The following DMD variants were observed in gnomAD, a reference collection of about 807,000 sequenced individuals.
DMD encodes the protein mutant dystrophin.
A neutral mutation model predicts 330.1 loss-of-function variants in DMD; 63 were observed. The ratio of observed to expected loss-of-function variants is 0.19; its 90% CI spans 0.16 to 0.24. DMD has a LOEUF of 0.24. Among genes scored for constraint, DMD ranks in the 10% least tolerant of loss-of-function variants. The probability of loss-of-function intolerance (pLI) is 1.00; values close to 1 mark genes in which losing one functional copy is unlikely to be tolerated. For missense variants in DMD, 3,344 were observed against 2,684.1 expected, an observed-to-expected ratio of 1.25 and a Z score of -5.43; for synonymous variants, 1,223 against 959.8, an observed-to-expected ratio of 1.27 and a Z score of -5.07.
In DMD at chrX:32,456,355, T is replaced by G. The variant is rs1404307218; in HGVS notation, c.3433-1523A>C. ...TCTTGCAATTGTACTAGAAAAGGTA[T>G]AAATGTTATTTTGTGCAGTCAATGA... On this transcript the variant is annotated intron_variant, in intron 25 of 78. Transcript: ENST00000357033. Among the ~76,000 whole-genome samples, 4 of 111,292 alleles carry G rather than the reference T, an allele frequency of 3.6e-5. No homozygotes were observed. In the East Asian group the frequency reaches 1.1e-3, roughly 31 times the overall value.
At chrX:31,145,724 G>A (rs2036606201) in intron 76 of DMD, among the ~76,000 whole-genome samples, 1 of 103,728 alleles carries the variant, frequency 9.6e-6, no homozygotes, top group South Asian at 4.5e-4. Flanking sequence ...GTGCAATGGT[G>A]CCATCTTGGC....
intron 1 of DMD, among the ~76,000 whole-genome samples, chrX:33,057,881 TTTTG>T (rs781643436): frequency 1.8e-5 from 2 of 111,397 alleles, no homozygotes; most frequent in African/African-American, 3.3e-5. Flanking sequence ...TTTGTTTGTT[TTTTG>T]TTTTTGTTTT....
At chrX:31,373,771 A>G (rs941674108) in intron 60 of DMD, among the ~76,000 whole-genome samples, 1 of 110,850 alleles carries the variant, frequency 9.0e-6, no homozygotes, top group Non-Finnish European at 1.9e-5. Context: ...CAAGGACTTC[A>G]TGTCTACAAC....
intron 57 of DMD, among the ~76,000 whole-genome samples, chrX:31,480,554 TTGTGTGTGTGTG>T (rs60621342): frequency 1.3e-3 from 119 of 91,330 alleles, no homozygotes; most frequent in East Asian, 9.1e-3. Flanking sequence ...ATCTCCATGT[TTGTGTGTGTGTG>T]TGTGTGTGTG....
chrX:32,474,264 C>T (rs894555984), intron 21 of DMD, among the ~76,000 whole-genome samples: 3 of 110,949 alleles, frequency 2.7e-5, no homozygotes, highest in Non-Finnish European at 5.7e-5. Flanking sequence ...ACCACTCATT[C>T]AGTGATGGGC....
At chrX:31,827,977 T>C (rs1489284084) in intron 49 of DMD, among the ~76,000 whole-genome samples, 2 of 111,828 alleles carry the variant, frequency 1.8e-5, no homozygotes, top group Non-Finnish European at 3.8e-5. Flanking sequence ...AGAGCACAAA[T>C]TGACAACCTA....
chrX:31,473,863 A>G (rs12009327), intron 59 of DMD, among the ~76,000 whole-genome samples: 31,741 of 110,621 alleles, frequency 0.29, 5,108 homozygotes, highest in African/African-American at 0.6. Context: ...TCTATGTGGA[A>G]CACCTAGTAA....
Position 32,411,845 on chromosome X carries a change from G to C in DMD, c.4140C>G (p.His1380Gln). The change falls in exon 30 of 79, where the codon CAC becomes CAG. Residue 1380 changes from histidine (H) to glutamine (Q), a missense_variant. Coordinates refer to ENST00000357033, the MANE Select transcript of DMD (RefSeq NM_004006.3). Reference sequence around the variant, plus strand: ...TGAATGTGAGGGACTCCTGGATTAAGTGTAAGGATTTTTCAGTCTCCTGGG... The same window carrying C: ...TGAATGTGAGGGACTCCTGGATTAACTGTAAGGATTTTTCAGTCTCCTGGG... Reference protein sequence around the residue: ...QSAQETEKSLHLIQESLTFID... With the variant: ...QSAQETEKSLQLIQESLTFID... 1.7e-6 allele frequency: 2 copies of C among 1,211,092 alleles called. No homozygotes were observed. Among genetic ancestry groups the C allele is most frequent in the Admixed American group, 2.2e-5 (1 of 45,984 alleles).
intron 1 of DMD, among the ~76,000 whole-genome samples, chrX:33,072,142 G>T (rs985392851): frequency 4.5e-5 from 5 of 112,277 alleles, no homozygotes; most frequent in Admixed American, 2.8e-4. Context: ...CACAGGCCCA[G>T]CGCGGTGGCT....
At chrX:32,595,054 C>T (rs1268508640) in intron 13 of DMD, among the ~76,000 whole-genome samples, 1 of 111,279 alleles carries the variant, frequency 9.0e-6, no homozygotes, top group Non-Finnish European at 1.9e-5. Flanking sequence ...AAAATGAGAA[C>T]ATCAAAAGAG....
chrX:32,808,814 G>A (rs1054749734), intron 7 of DMD, among the ~76,000 whole-genome samples: 4 of 111,835 alleles, frequency 3.6e-5, no homozygotes, highest in African/African-American at 1.3e-4. Context: ...AAATTGGCAT[G>A]GCAAAAAGTG....
At chrX:32,985,587 A>G (rs1227563449) in intron 2 of DMD, among the ~76,000 whole-genome samples, 1 of 111,928 alleles carries the variant, frequency 8.9e-6, no homozygotes, top group Non-Finnish European at 1.9e-5. Flanking sequence ...TATTTCAAAA[A>G]CATCTTTGGG....
intron 16 of DMD, among the ~76,000 whole-genome samples, chrX:32,554,016 C>A (rs1002020681): frequency 1.8e-5 from 2 of 112,490 alleles, no homozygotes; most frequent in Non-Finnish European, 3.8e-5. Flanking sequence ...ATGGATAGAG[C>A]TCTGATCTCT....
chrX:31,308,676 T>C (rs896600007), intron 62 of DMD, among the ~76,000 whole-genome samples: 4 of 111,393 alleles, frequency 3.6e-5, no homozygotes, highest in African/African-American at 1.3e-4. Flanking sequence ...CTTCCCAAAG[T>C]GTTGGGACTG....
intron 43 of DMD, among the ~76,000 whole-genome samples, chrX:32,252,259 T>G (rs1158390534): frequency 1.8e-5 from 2 of 110,679 alleles, no homozygotes; most frequent in African/African-American, 6.6e-5. Context: ...GTTGCAGGTC[T>G]CTGCTTCAAT....
intron 25 of DMD, among the ~76,000 whole-genome samples, chrX:32,457,305 CAA>C (rs2098364333): frequency 9.0e-6 from 1 of 110,792 alleles, no homozygotes; most frequent in Non-Finnish European, 1.9e-5. Context: ...TAATTGGCAT[CAA>C]GAGAGAAGGG....
At chrX:33,090,576 G>A (rs2095072191) in intron 1 of DMD, among the ~76,000 whole-genome samples, 1 of 108,768 alleles carries the variant, frequency 9.2e-6, no homozygotes, top group Non-Finnish European at 1.9e-5. Flanking sequence ...AGAATGGATC[G>A]GACACTATAA....
intron 42 of DMD, among the ~76,000 whole-genome samples, chrX:32,288,650 T>C (rs1603630005): frequency 9.0e-6 from 1 of 111,725 alleles, no homozygotes; most frequent in Non-Finnish European, 1.9e-5. Flanking sequence ...CATCACAGAG[T>C]TCAATCACAG....
At chrX:32,831,887 G>A (rs2079184881) in intron 4 of DMD, among the ~76,000 whole-genome samples, 1 of 110,712 alleles carries the variant, frequency 9.0e-6, no homozygotes, top group African/African-American at 3.3e-5. Flanking sequence ...TCATTCACAG[G>A]GGAACCATCA....
Sources: gnomAD v4.1 joint callset for allele counts (sites outside exome capture counted in the v4.1 genomes callset) on GRCh38, gnomAD v4.1.1 for gene constraint, MANE v1.5 for transcripts, NCBI Gene and HGNC (gene_info 2026-07-23, HGNC 2026-07-21) for gene names.